Variants in CHST9 observed in about 807,000 individuals in gnomAD.
CHST9 encodes GalNAc-4-sulfotransferase 2.
CHST9 carries 41 observed loss-of-function variants against 44.4 expected under a neutral mutation model. The observed-to-expected ratio is 0.92, with a 90% CI of 0.72 to 1.20. The LOEUF is 1.20. Among genes scored for constraint, CHST9 ranks in the 50% most tolerant of loss-of-function variants. The pLI is 0.00. For synonymous variants in CHST9, 171 were observed against 178.4 expected (o/e 0.96, Z 0.33); for missense variants, 504 against 516.5 (o/e 0.98, Z 0.23).
At chr18:27,002,175 AC>A (rs2056961455) in intron 4 of CHST9, among the ~76,000 whole-genome samples, 1 of 151,800 alleles carries the variant, frequency 6.6e-6, no homozygotes, top group Admixed American at 6.6e-5. Flanking sequence ...GCCCCCATTC[AC>A]CCTGCAGTGC....
intron 1 of CHST9, among the ~76,000 whole-genome samples, chr18:27,151,357 T>C (rs2058657693): frequency 6.6e-6 from 1 of 152,136 alleles, no homozygotes; most frequent in African/African-American, 2.4e-5. Context: ...ATACCTTTTA[T>C]CCAGTTTCCT....
chr18:27,054,074 C>T (rs545129080), intron 2 of CHST9, among the ~76,000 whole-genome samples: 1 of 152,170 alleles, frequency 6.6e-6, no homozygotes, highest in Non-Finnish European at 1.5e-5. Context: ...AGTCCCATAT[C>T]GTTCTCTCTC....
At chr18:27,182,465 G>C (rs1204936953) in intron 1 of CHST9, among the ~76,000 whole-genome samples, 2 of 152,136 alleles carry the variant, frequency 1.3e-5, no homozygotes, top group Non-Finnish European at 2.9e-5. Flanking sequence ...GTGTGAAAAA[G>C]ATCATCACTA....
intron 2 of CHST9, among the ~76,000 whole-genome samples, chr18:27,129,832 C>A (rs770588278): frequency 1.8e-4 from 28 of 152,050 alleles, no homozygotes; most frequent in Non-Finnish European, 3.7e-4. Context: ...GACAGATTTT[C>A]AGCTGGAGAA....
intron 4 of CHST9, among the ~76,000 whole-genome samples, chr18:27,007,948 T>TG (rs1023018637): frequency 1.3e-5 from 2 of 152,078 alleles, no homozygotes; most frequent in African/African-American, 4.8e-5. Flanking sequence ...TATTTTTTGG[T>TG]GGGGGAGAAT....
intron 1 of CHST9, among the ~76,000 whole-genome samples, chr18:27,155,868 G>A (rs867270696): frequency 6.6e-6 from 1 of 151,998 alleles, no homozygotes; most frequent in South Asian, 2.1e-4. Context: ...AAAAATGGTG[G>A]CTAAACTTGA....
chr18:26,971,238 A>T (rs1050753184), intron 4 of CHST9, among the ~76,000 whole-genome samples: 1 of 105,404 alleles, frequency 9.5e-6, no homozygotes, highest in African/African-American at 4.1e-5. Context: ...ATTGTTGACC[A>T]TGTCAGTCAT....
intron 4 of CHST9, among the ~76,000 whole-genome samples, chr18:27,003,161 G>A (rs1314292240): frequency 6.6e-6 from 1 of 152,202 alleles, no homozygotes; most frequent in Admixed American, 6.5e-5. Context: ...TGAGGGCAGA[G>A]TGAGGTGCTA....
chr18:27,182,501 T>C (rs1345738802), intron 1 of CHST9, among the ~76,000 whole-genome samples: 1 of 152,174 alleles, frequency 6.6e-6, no homozygotes, highest in Non-Finnish European at 1.5e-5. Flanking sequence ...AATATGAAAA[T>C]GCTTTGGGAC....
At chr18:27,161,770 T>G (rs9963925) in intron 1 of CHST9, among the ~76,000 whole-genome samples, 1 of 152,164 alleles carries the variant, frequency 6.6e-6, no homozygotes, top group South Asian at 2.1e-4. Context: ...TCTAAGGACT[T>G]GCTTTATGAA....
chr18:27,121,058 G>T (rs1388049305), intron 2 of CHST9, among the ~76,000 whole-genome samples: 2 of 152,172 alleles, frequency 1.3e-5, no homozygotes, highest in Admixed American at 1.3e-4. Flanking sequence ...CTGAAGTGCA[G>T]TGGCACAATC....
chr18:27,142,966 GC>G, intron 1 of CHST9, 61 bp from the exon 2 acceptor site: 1 of 612,592 alleles, frequency 1.6e-6, no homozygotes, highest in East Asian at 3.0e-5. Context: ...CTCAAATACG[GC>G]ATAAATATTC....
chr18:27,025,244 T>C (rs1002071086), intron 3 of CHST9, among the ~76,000 whole-genome samples: 169 of 150,600 alleles, frequency 1.1e-3, no homozygotes, highest in African/African-American at 3.8e-3. Flanking sequence ...TTTTGCTCTC[T>C]GCATGCCTTT....
intron 4 of CHST9, among the ~76,000 whole-genome samples, chr18:26,959,823 G>A (rs575964037): frequency 6.6e-6 from 1 of 152,278 alleles, no homozygotes; most frequent in Non-Finnish European, 1.5e-5. Context: ...TTGAGTCAAA[G>A]ATTGATCCAA....
chr18:27,113,046 G>A (rs942808370), intron 2 of CHST9, among the ~76,000 whole-genome samples: 5 of 152,002 alleles, frequency 3.3e-5, no homozygotes, highest in Non-Finnish European at 5.9e-5. Context: ...AAAATTAGCC[G>A]GGCGTGGTGG....
intron 2 of CHST9, among the ~76,000 whole-genome samples, chr18:27,141,664 A>T (rs914773951): frequency 2.0e-5 from 3 of 151,328 alleles, no homozygotes; most frequent in African/African-American, 7.3e-5. Context: ...AAACAATTTT[A>T]AAAATAATCA....
chr18:26,983,613 A>C (rs932008166), intron 4 of CHST9, among the ~76,000 whole-genome samples: 2 of 152,132 alleles, frequency 1.3e-5, no homozygotes, highest in African/African-American at 4.8e-5. Flanking sequence ...AAATTAGCCC[A>C]CCTCAAGTAT....
intron 4 of CHST9, among the ~76,000 whole-genome samples, chr18:27,017,259 AC>A (rs1474587427): frequency 6.6e-6 from 1 of 152,174 alleles, no homozygotes; most frequent in African/African-American, 2.4e-5. Context: ...TTGGGACATA[AC>A]CCCATCATAA....
chr18:27,131,106 A>C (rs2058467755), intron 2 of CHST9, among the ~76,000 whole-genome samples: 1 of 152,208 alleles, frequency 6.6e-6, no homozygotes, highest in South Asian at 2.1e-4. Flanking sequence ...TTCACTACAA[A>C]CTACTAACTG....
Sources: allele counts gnomAD v4.1 joint callset (sites outside exome capture counted in the v4.1 genomes callset), GRCh38; gene constraint gnomAD v4.1.1; transcripts MANE v1.5; gene names NCBI Gene and HGNC (gene_info 2026-07-23, HGNC 2026-07-21).